The following GALNT13 variants were observed in gnomAD, a reference collection of about 807,000 sequenced individuals.
GALNT13 encodes polypeptide N-acetylgalactosaminyltransferase 13.
In GALNT13, 28 loss-of-function variants were observed where a neutral mutation model predicts 64.2. The observed-to-expected ratio is 0.44, with a 90% CI of 0.32 to 0.60. GALNT13 has a LOEUF of 0.60. GALNT13 is among the 20% of genes least tolerant of loss of function. GALNT13 has a pLI of 0.05. For synonymous variants in GALNT13, 214 were observed against 224.6 expected (o/e 0.95, Z 0.42); for missense variants, 577 against 669.8 (o/e 0.86, Z 1.53).
the GALNT13 span, among the ~76,000 whole-genome samples, chr2:153,227,924 A>G: frequency 4.6e-5 from 7 of 152,242 alleles, no homozygotes; most frequent in Non-Finnish European, 8.8e-5. Context: ...GTCTACACAT[A>G]ACCTGAATAT....
At chr2:153,643,798 A>G in the GALNT13 span, among the ~76,000 whole-genome samples, 68 of 152,148 alleles carry the variant, frequency 4.5e-4, no homozygotes, top group Non-Finnish European at 5.9e-4. Flanking sequence ...GTTTGATATT[A>G]TAAAATCATT....
chr2:153,764,622 G>A, the GALNT13 span, among the ~76,000 whole-genome samples: 1 of 152,216 alleles, frequency 6.6e-6, no homozygotes, highest in Admixed American at 6.5e-5. Context: ...ATTTTCAGGG[G>A]AGAAATTCAA....
the GALNT13 span, among the ~76,000 whole-genome samples, chr2:153,379,002 G>A: frequency 4.1e-4 from 63 of 152,022 alleles, no homozygotes; most frequent in African/African-American, 1.5e-3. Flanking sequence ...TGCTACAGCA[G>A]GTCCTCATCT....
At chr2:153,194,691 A>G in the GALNT13 span, among the ~76,000 whole-genome samples, 1 of 152,124 alleles carries the variant, frequency 6.6e-6, no homozygotes, top group East Asian at 1.9e-4. Flanking sequence ...AGCACCTTGG[A>G]TGTAACACTC....
At chr2:154,357,208 C>A (rs895813161) in intron 9 of GALNT13, among the ~76,000 whole-genome samples, 2 of 152,048 alleles carry the variant, frequency 1.3e-5, no homozygotes, top group African/African-American at 4.8e-5. Context: ...TCTAAGATCT[C>A]TTTTAGCTCT....
the GALNT13 span, among the ~76,000 whole-genome samples, chr2:153,629,009 TG>T: frequency 1.3e-5 from 2 of 152,150 alleles, no homozygotes; most frequent in African/African-American, 4.8e-5. Flanking sequence ...TATTAATTAT[TG>T]CCACAATTTC....
the GALNT13 span, among the ~76,000 whole-genome samples, chr2:153,630,809 T>TATTTA: frequency 1.4e-4 from 2 of 14,076 alleles, no homozygotes; most frequent in African/African-American, 2.9e-4. Context: ...ATATATATAT[T>TATTTA]TTTTTTTTTT....
At chr2:153,999,718 C>T (rs1695773022) in intron 3 of GALNT13, among the ~76,000 whole-genome samples, 1 of 151,780 alleles carries the variant, frequency 6.6e-6, no homozygotes, top group Non-Finnish European at 1.5e-5. Context: ...TCTGGTTTGC[C>T]AGTATTTTGT....
chr2:153,753,322 G>A, the GALNT13 span, among the ~76,000 whole-genome samples: 1 of 152,058 alleles, frequency 6.6e-6, no homozygotes, highest in Non-Finnish European at 1.5e-5. Flanking sequence ...TCTGTGGCTG[G>A]GCATTGAAGA....
the GALNT13 span, among the ~76,000 whole-genome samples, chr2:153,468,327 C>T: frequency 6.6e-6 from 1 of 151,860 alleles, no homozygotes; most frequent in Non-Finnish European, 1.5e-5. Flanking sequence ...CTCAATAGTC[C>T]GTGAAGTCTT....
At chr2:153,670,517 G>A in the GALNT13 span, among the ~76,000 whole-genome samples, 1 of 150,472 alleles carries the variant, frequency 6.6e-6, no homozygotes, top group Non-Finnish European at 1.5e-5. Flanking sequence ...TCAACAAAAA[G>A]GACATCTACA....
At chr2:153,408,601 C>T in the GALNT13 span, among the ~76,000 whole-genome samples, 2 of 152,136 alleles carry the variant, frequency 1.3e-5, no homozygotes, top group Non-Finnish European at 2.9e-5. Flanking sequence ...TGCCGATTTA[C>T]TCGCAGAGCT....
chr2:154,294,480 G>A (rs1196553807), intron 8 of GALNT13, among the ~76,000 whole-genome samples: 1 of 152,158 alleles, frequency 6.6e-6, no homozygotes. Context: ...GCACGTTCAG[G>A]ATGTAGGGGA....
chr2:154,133,582 AT>A (rs1232313604), intron 3 of GALNT13, among the ~76,000 whole-genome samples: 2 of 112,114 alleles, frequency 1.8e-5, no homozygotes, highest in African/African-American at 7.3e-5. Context: ...ATATATATAT[AT>A]ATCTGAGATG....
intron 1 of GALNT13, among the ~76,000 whole-genome samples, chr2:153,875,022 A>T (rs953898658): frequency 7.9e-5 from 12 of 152,126 alleles, no homozygotes; most frequent in African/African-American, 2.9e-4. Context: ...TAAAGAACAG[A>T]TATATCAGCT....
At chr2:153,263,832 A>C in the GALNT13 span, among the ~76,000 whole-genome samples, 6 of 152,334 alleles carry the variant, frequency 3.9e-5, no homozygotes, top group Admixed American at 2.6e-4. Context: ...AAAAGCAAAA[A>C]CTATAAAAAT....
At chr2:154,324,983 TTTTG>T (rs1485831131) in intron 9 of GALNT13, among the ~76,000 whole-genome samples, 1 of 152,108 alleles carries the variant, frequency 6.6e-6, no homozygotes, top group African/African-American at 2.4e-5. Context: ...CCTTGTTTTC[TTTTG>T]TTTGTTCATG....
chr2:153,150,786 T>C, the GALNT13 span, among the ~76,000 whole-genome samples: 5 of 152,144 alleles, frequency 3.3e-5, no homozygotes, highest in Admixed American at 3.3e-4. Flanking sequence ...TGGTTGTAGA[T>C]ATGCGGCATT....
At chr2:154,360,395 A>T (rs1433976116) in intron 9 of GALNT13, among the ~76,000 whole-genome samples, 1 of 152,170 alleles carries the variant, frequency 6.6e-6, no homozygotes, top group Non-Finnish European at 1.5e-5. Context: ...TGAAATATTA[A>T]GGGAATAGGC....
Sources: gnomAD v4.1 joint callset for allele counts (sites outside exome capture counted in the v4.1 genomes callset) on GRCh38, gnomAD v4.1.1 for gene constraint, MANE v1.5 for transcripts, NCBI Gene and HGNC (gene_info 2026-07-23, HGNC 2026-07-21) for gene names.